Variants in ESYT3 observed in about 807,000 individuals in gnomAD.
ESYT3 encodes the protein extended synaptotagmin 3.
ESYT3 carries 101 observed loss-of-function variants against 111.5 expected under a neutral mutation model. The observed-to-expected ratio is 0.91, with a 90% confidence interval of 0.77 to 1.07. The LOEUF is 1.07. ESYT3 is among the 50% of genes least tolerant of loss of function. ESYT3 has a pLI of 0.00. For synonymous variants in ESYT3, 416 were observed against 446.8 expected, an observed-to-expected ratio of 0.93 and a Z score of 0.87; for missense variants, 1,097 against 1,109.4, an observed-to-expected ratio of 0.99 and a Z score of 0.16.
At chr3:138,450,447 A>G (rs1226791050) in intron 1 of ESYT3, among the ~76,000 whole-genome samples, 1 of 151,988 alleles carries the variant, frequency 6.6e-6, no homozygotes, top group African/African-American at 2.4e-5. Flanking sequence ...GATCTCTTCT[A>G]TTTCTGTGGG....
intron 18 of ESYT3, 160 bp downstream of exon 18, chr3:138,473,019 G>A: frequency 6.8e-7 from 1 of 1,469,906 alleles, no homozygotes; most frequent in Non-Finnish European, 8.9e-7. Flanking sequence ...CACAGGACAA[G>A]GGAGAGAGAG....
chr3:138,467,492 TG>T, intron 10 of ESYT3, 68 bp from the exon 11 acceptor site: 2 of 1,472,804 alleles, frequency 1.4e-6, no homozygotes, highest in Non-Finnish European at 1.9e-6. Context: ...GAGTCCAGTG[TG>T]GGCCTCCATG....
intron 1 of ESYT3, 87 bp from the exon 2 acceptor site, chr3:138,451,961 G>A: frequency 6.7e-7 from 1 of 1,484,460 alleles, no homozygotes; most frequent in Non-Finnish European, 9.4e-7. Context: ...CGCGTGGGCG[G>A]AATGGGAAGC....
Position 138,467,581 on chromosome 3 carries a change from A to G in ESYT3, c.1190A>G (p.Asp397Gly). 1.9e-6 allele frequency: 3 copies of G among 1,613,994 alleles called. No individual in the cohort carries two copies. The highest frequency in any genetic ancestry group is 2.5e-6 in the Non-Finnish European group (3 of 1,179,996). The change falls in exon 11 of 23, where the codon GAT becomes GGT. Residue 397 changes from aspartate to glycine, a missense_variant. Transcript: ENST00000389567. ...TCCAGCCTGCAGATCTGCCTTGGAG[A>G]TGTCATGACCAACAGAGTGGTGGAT... is the stretch of plus-strand genomic sequence containing the variant. ...FLGSLQICLG[D>G]VMTNRVVDEW... is the part of the protein sequence containing the mutation.
At chr3:138,446,871 A>G (rs892706289) in intron 1 of ESYT3, among the ~76,000 whole-genome samples, 2 of 152,052 alleles carry the variant, frequency 1.3e-5, no homozygotes, top group Non-Finnish European at 2.9e-5. Flanking sequence ...ACCAAAACAA[A>G]CAAACAAACA....
At chr3:138,469,679 T>G (rs181231915) in intron 15 of ESYT3, among the ~76,000 whole-genome samples, 175 bp downstream of exon 15, 7 of 152,244 alleles carry the variant, frequency 4.6e-5, no homozygotes, top group Middle Eastern at 3.4e-3. Flanking sequence ...AATCTGAGGA[T>G]CAGAGATAAA....
intron 20 of ESYT3, among the ~76,000 whole-genome samples, chr3:138,475,628 T>G: frequency 6.6e-6 from 1 of 152,144 alleles, no homozygotes; most frequent in Admixed American, 6.5e-5. Flanking sequence ...GAGGGCCAGC[T>G]AAAAGAGTGG....
intron 1 of ESYT3, among the ~76,000 whole-genome samples, chr3:138,444,493 A>G: frequency 6.6e-6 from 1 of 152,222 alleles, no homozygotes; most frequent in Non-Finnish European, 1.5e-5. Flanking sequence ...TTTGTCTCTA[A>G]CACCAAACCA....
Position 138,470,946 on chromosome 3 carries a change from GC to G in ESYT3, c.1661del (p.Ala554ValfsTer22), listed in dbSNP as rs1359586637. 1 of 1,614,144 alleles carries G rather than the reference GC, an allele frequency of 6.2e-7. No individual in the cohort carries two copies. Among genetic ancestry groups the G allele is most frequent in the Non-Finnish European group, 8.5e-7 (1 of 1,180,034 alleles). On this transcript the variant is annotated frameshift_variant, in exon 17 of 23. Transcript: ENST00000389567. LOFTEE classifies it high-confidence loss of function. Reference sequence around the variant, plus strand: ...CCCCCTGTGCCAGATCCTCCCCTATGCTGACCTCACTCTTGAGCAGCGCTTT... The same window carrying G: ...CCCCCTGTGCCAGATCCTCCCCTATGTGACCTCACTCTTGAGCAGCGCTTT... ...EVPLCQILPY[A>X]DLTLEQRFQL...
At position 138,476,961 on chromosome 3, in the gene ESYT3, T is replaced by A. The variant is rs2033515981; in HGVS notation, c.*107T>A. Reference sequence around the variant, plus strand: ...ATATATGTATATTTTGTCATTTAAATCAGAACAACCACTTGAAATTATATA... The same window carrying A: ...ATATATGTATATTTTGTCATTTAAAACAGAACAACCACTTGAAATTATATA... On this transcript the variant is annotated 3_prime_UTR_variant, in exon 23 of 23. Transcript: ENST00000389567. The A allele has an allele frequency of 1.2e-6, 1 of 802,994 alleles. No homozygotes were observed. The highest frequency in any genetic ancestry group is 2.8e-5 in the Admixed American group (1 of 35,584). 49.7% of individuals were successfully genotyped at this position (802,994 alleles called of 1,614,324 possible).
chr3:138,443,202 C>T (rs1016877724), intron 1 of ESYT3, among the ~76,000 whole-genome samples: 2 of 152,124 alleles, frequency 1.3e-5, no homozygotes, highest in Non-Finnish European at 2.9e-5. Flanking sequence ...TTGCTGGCTG[C>T]GTGTGTTAAG....
Position 138,469,433 on chromosome 3 carries a change from C to G in ESYT3, c.1435-3C>G. Reference sequence around the variant, plus strand: ...TCACTGTTATGGATTTGATTCCTCACAGAACAAGGTCAGCAAAGACCCTTC... The same window carrying G: ...TCACTGTTATGGATTTGATTCCTCAGAGAACAAGGTCAGCAAAGACCCTTC... On this transcript the variant is annotated splice_polypyrimidine_tract_variant and splice_region_variant and intron_variant, in intron 14 of 22. Transcript: ENST00000389567. 6.2e-7 allele frequency: 1 copy of G among 1,613,176 alleles called. No homozygotes were observed. Among genetic ancestry groups the G allele is most frequent in the Non-Finnish European group, 8.5e-7 (1 of 1,179,188 alleles).
intron 5 of ESYT3, 137 bp downstream of exon 5, chr3:138,459,390 G>A: frequency 1.6e-6 from 1 of 622,032 alleles, no homozygotes; most frequent in Non-Finnish European, 2.6e-6. Context: ...CTACGGAGGA[G>A]CTGTAGGCCT....
In ESYT3 at chr3:138,477,884, C is replaced by T. The variant is rs1022389444; in HGVS notation, c.*1030C>T. 6 of 152,248 alleles carry T rather than the reference C, an allele frequency of 3.9e-5. No individual in the cohort carries two copies. The highest frequency in any genetic ancestry group is 1.4e-4 in the African/African-American group (6 of 41,456). 9.4% of individuals were successfully genotyped at this position (152,248 alleles called of 1,614,324 possible). On this transcript the variant is annotated 3_prime_UTR_variant, in exon 23 of 23. Coordinates refer to ENST00000389567, the MANE Select transcript of ESYT3 (RefSeq NM_031913.5). ...GTCAGTTTTCTGTCTCTGCCTCTGC[C>T]TTCACTGCCACTTTTCTGAAGCAGG... is the stretch of plus-strand genomic sequence containing the variant.
intron 1 of ESYT3, among the ~76,000 whole-genome samples, chr3:138,451,267 A>G (rs1265889659): frequency 6.6e-6 from 1 of 152,150 alleles, no homozygotes; most frequent in Non-Finnish European, 1.5e-5. Flanking sequence ...CTATGTGACT[A>G]TAGGAAGGGC....
chr3:138,450,002 G>A (rs928151215), intron 1 of ESYT3, among the ~76,000 whole-genome samples: 1 of 152,238 alleles, frequency 6.6e-6, no homozygotes. Context: ...TGCTGCAATG[G>A]AGAACCAGCA....
chr3:138,468,553 G>A, intron 12 of ESYT3, 102 bp from the exon 13 acceptor site: 1 of 1,204,386 alleles, frequency 8.3e-7, no homozygotes, highest in Non-Finnish European at 1.2e-6. Flanking sequence ...TCTGGAGTGT[G>A]AAGGCTAGCT....
intron 1 of ESYT3, among the ~76,000 whole-genome samples, chr3:138,450,797 GGT>G (rs1224611706): frequency 6.6e-6 from 1 of 152,232 alleles, no homozygotes; most frequent in East Asian, 1.9e-4. Context: ...GCATTTGGTA[GGT>G]GTGCGAACTG....
At chr3:138,460,171 C>T in intron 6 of ESYT3, 137 bp downstream of exon 6, 1 of 703,920 alleles carries the variant, frequency 1.4e-6, no homozygotes, top group East Asian at 2.7e-5. Flanking sequence ...CACTCCTTAT[C>T]TCATTTAATC....
Sources: allele counts gnomAD v4.1 joint callset (sites outside exome capture counted in the v4.1 genomes callset), GRCh38; gene constraint gnomAD v4.1.1; transcripts MANE v1.5; gene names NCBI Gene and HGNC (gene_info 2026-07-23, HGNC 2026-07-21).